The following FBXO27 variants were observed in gnomAD, a reference collection of about 807,000 sequenced individuals.
The protein encoded by FBXO27 is F-box only protein 27.
Under a neutral mutation model 28.3 loss-of-function variants are expected in FBXO27, and 28 were observed. That is an observed-to-expected ratio of 0.99 (90% CI 0.73 to 1.36). FBXO27 has a LOEUF of 1.36. Among genes scored for constraint, FBXO27 ranks in the 40% most tolerant of loss-of-function variants. The pLI is 0.00. For missense variants in FBXO27, 388 were observed against 394.1 expected (o/e 0.98, Z 0.13); for synonymous variants, 175 against 167.3 (o/e 1.05, Z -0.36).
chr19:39,015,933 G>A (rs4349273), intron 1 of FBXO27, among the ~76,000 whole-genome samples: 120,379 of 151,426 alleles, frequency 0.79, 48,178 homozygotes, highest in Middle Eastern at 0.88. Context: ...TTAGCCAGAC[G>A]TGGTAGCAGT....
intron 2 of FBXO27, among the ~76,000 whole-genome samples, chr19:39,008,206 A>G (rs1468730136): frequency 2.0e-5 from 3 of 151,828 alleles, no homozygotes; most frequent in East Asian, 3.9e-4. Flanking sequence ...CAGAGGTTGC[A>G]GTGAGCGGAG....
downstream of FBXO27, among the ~76,000 whole-genome samples, chr19:39,020,684 T>C (rs1350585140): frequency 1.4e-5 from 2 of 143,048 alleles, no homozygotes; most frequent in Non-Finnish European, 3.0e-5. Context: ...TGTGTCTATA[T>C]GTTGTACATG....
chr19:39,022,436 C>A (rs562073960), downstream of FBXO27, among the ~76,000 whole-genome samples: 6 of 152,140 alleles, frequency 3.9e-5, no homozygotes, highest in South Asian at 1.2e-3. Context: ...CCACCACATC[C>A]AGTCTTTCCC....
rs914600975 is a variant in FBXO27, at chr19:39,024,313, A to G, written c.*1098T>C. On this transcript the variant is annotated 3_prime_UTR_variant, in exon 6 of 6. Transcript: ENST00000292853. Reference sequence around the variant, plus strand: ...ATGATCATGGCTCACTATAGCCTCAACCTGGGCACAAATGATCCTCCCACT... The same window carrying G: ...ATGATCATGGCTCACTATAGCCTCAGCCTGGGCACAAATGATCCTCCCACT... 1 of 149,968 alleles carries G rather than the reference A, an allele frequency of 6.7e-6. No individual in the cohort carries two copies. The highest frequency in any genetic ancestry group is 1.5e-5 in the Non-Finnish European group (1 of 67,606). The allele number at this position is 149,968 out of a possible 1,614,324, so 9.3% of individuals were successfully genotyped here.
intron 5 of FBXO27, 93 bp from the exon 6 acceptor site, chr19:39,025,647 G>C: frequency 6.9e-7 from 1 of 1,446,312 alleles, no homozygotes; most frequent in Non-Finnish European, 9.2e-7. Flanking sequence ...ATTTTCCAAG[G>C]ATGGCTATAA....
chr19:39,025,845 T>C (rs2072870448), intron 5 of FBXO27, among the ~76,000 whole-genome samples: 1 of 151,962 alleles, frequency 6.6e-6, no homozygotes, highest in Non-Finnish European at 1.5e-5. Context: ...TGAAACCCTG[T>C]CTCTACTAAA....
intron 2 of FBXO27, among the ~76,000 whole-genome samples, chr19:39,008,001 C>T (rs2072777337): frequency 6.6e-6 from 1 of 152,146 alleles, no homozygotes; most frequent in African/African-American, 2.4e-5. Context: ...TGGTGGCTCA[C>T]ATCTGTGATC....
At chr19:39,012,003 T>A (rs1568457196) in intron 2 of FBXO27, among the ~76,000 whole-genome samples, 2 of 151,036 alleles carry the variant, frequency 1.3e-5, no homozygotes, top group African/African-American at 4.9e-5. Context: ...TAATTTTTTG[T>A]ATTTTTTTTT....
At position 39,031,928 on chromosome 19, in the gene FBXO27, G is replaced by C. The variant is rs1213450565; in HGVS notation, c.300C>G (p.Pro100=). ...GTCTGCGCGCGCAGAAGCGGCCCAGGGGGCAAGGCCTGGCGTTACGGGCGG... is the reference window on the plus strand; with the variant it reads ...GTCTGCGCGCGCAGAAGCGGCCCAGCGGGCAAGGCCTGGCGTTACGGGCGG... ...QSPARNARPC[P]LGRFCARRPI... The change falls in exon 2 of 6, where the codon CCC becomes CCG. Residue 100 remains proline (P), a synonymous_variant. Transcript: ENST00000292853. 1 of 1,511,050 alleles carries C rather than the reference G, an allele frequency of 6.6e-7. No individual in the cohort carries two copies. Among genetic ancestry groups the C allele is most frequent in the East Asian group, 2.6e-5 (1 of 38,648 alleles). 93.6% of individuals were successfully genotyped at this position (1,511,050 alleles called of 1,614,324 possible).
At chr19:39,028,914 C>T (rs1476748338) in intron 4 of FBXO27, among the ~76,000 whole-genome samples, 3 of 151,660 alleles carry the variant, frequency 2.0e-5, no homozygotes, top group African/African-American at 7.3e-5. Flanking sequence ...AGCCAGTATG[C>T]ACCTGTAGTC....
downstream of FBXO27, among the ~76,000 whole-genome samples, chr19:39,023,691 G>A (rs111285347): frequency 5.9e-5 from 9 of 151,902 alleles, no homozygotes; most frequent in South Asian, 1.7e-3. Flanking sequence ...CTGGCTCACT[G>A]CAACCTCCAC....
intron 4 of FBXO27, 57 bp downstream of exon 4, chr19:39,030,972 G>A: frequency 1.4e-6 from 2 of 1,442,368 alleles, no homozygotes; most frequent in Non-Finnish European, 2.0e-6. Context: ...CCCATAAAAA[G>A]GCCATGTCAC....
rs921782996 is a variant in FBXO27, at chr19:39,025,648, A to G, written c.709-94T>C. ...TCTGGAAGATGGTTATTTTCCAAGGATGGCTATAAAATCTCCAATTGGGCC... is the reference window on the plus strand; with the variant it reads ...TCTGGAAGATGGTTATTTTCCAAGGGTGGCTATAAAATCTCCAATTGGGCC... On this transcript the variant is annotated intron_variant, in intron 5 of 5. Coordinates refer to ENST00000292853, the MANE Select transcript of FBXO27 (RefSeq NM_178820.5). 4 of 1,443,530 alleles carry G rather than the reference A, an allele frequency of 2.8e-6. No homozygotes were observed. In the Admixed American group the frequency reaches 1.0e-4, roughly 36 times the overall value. 89.4% of individuals were successfully genotyped at this position (1,443,530 alleles called of 1,614,324 possible).
At chr19:39,014,679 C>T in intron 1 of FBXO27, 1 of 163,450 alleles carries the variant, frequency 6.1e-6, no homozygotes, top group Admixed American at 6.2e-5. Context: ...TGAGCCATGA[C>T]TGCATCATTG....
rs533163678 is a variant in FBXO27 at position 39,006,547 on chromosome 19, G to A, written c.252+7840C>T. The stretch of plus-strand genomic sequence containing the variant: ...GAACACCAGCCTGGGCAACAAGAGC[G>A]AAACTCCTTCTCAAAAAAAGAAAAA... On this transcript the variant is annotated intron_variant, in intron 2 of 2. Coordinates refer to the FBXO27 transcript ENST00000598394. 1.3e-4 allele frequency among the ~76,000 whole-genome samples: 19 copies of A among 150,796 alleles called. 1 individual carries two copies. Among genetic ancestry groups the A allele is most frequent in the Non-Finnish European group, 2.7e-4 (18 of 67,652 alleles).
intron 2 of FBXO27, among the ~76,000 whole-genome samples, chr19:39,012,282 T>A (rs964442245): frequency 1.3e-5 from 2 of 151,676 alleles, no homozygotes; most frequent in Non-Finnish European, 2.9e-5. Flanking sequence ...CCTCCCGGGT[T>A]CAAGCAATTC....
Position 39,017,464 on chromosome 19 carries a change from A to T in FBXO27, c.92-2917T>A, listed in dbSNP as rs113002273. On this transcript the variant is annotated intron_variant, in intron 1 of 2. Transcript: ENST00000598394. ...ATCCCAGCACTTTGGGAGGCCGAGGAGGGTGGATCACCTGAGGTCAGGAGT... is the reference window on the plus strand; with the variant it reads ...ATCCCAGCACTTTGGGAGGCCGAGGTGGGTGGATCACCTGAGGTCAGGAGT... 5.5e-3 allele frequency among the ~76,000 whole-genome samples: 834 copies of T among 152,140 alleles called. 8 individuals carry two copies. Among genetic ancestry groups the T allele is most frequent in the African/African-American group, 0.019 (803 of 41,542 alleles).
At chr19:39,010,901 A>C (rs1357742325) in intron 2 of FBXO27, among the ~76,000 whole-genome samples, 1 of 152,216 alleles carries the variant, frequency 6.6e-6, no homozygotes, top group African/African-American at 2.4e-5. Context: ...TTCCTGGGCA[A>C]AGCCAAGAAC....
At position 39,026,897 on chromosome 19, in the gene FBXO27, C is replaced by T. The variant is rs370386520; in HGVS notation, c.681G>A (p.Pro227=). 115 of 1,614,154 alleles carry T rather than the reference C, an allele frequency of 7.1e-5. No homozygotes were observed. Among genetic ancestry groups the T allele is most frequent in the South Asian group, 2.6e-4 (24 of 91,086 alleles). Residue 227 remains proline (P), a synonymous_variant, in exon 5 of 6, where the codon CCG becomes CCA. Transcript: ENST00000292853. ...GAAGGCAGGCATTGTTGTTCCACTGCGGGATGGGATCAGGCACAGCAGAGA... is the reference window on the plus strand; with the variant it reads ...GAAGGCAGGCATTGTTGTTCCACTGTGGGATGGGATCAGGCACAGCAGAGA... ...DKFSAVPDPI[P]QWNNNACLHV...
Sources: allele counts gnomAD v4.1 joint callset (sites outside exome capture counted in the v4.1 genomes callset), GRCh38; gene constraint gnomAD v4.1.1; transcripts MANE v1.5; gene names NCBI Gene and HGNC (gene_info 2026-07-23, HGNC 2026-07-21).